UPRT: variants seen among roughly 807,000 people sequenced by gnomAD.
UPRT encodes uracil phosphoribosyltransferase homolog.
Under a neutral mutation model 22.6 loss-of-function variants are expected in UPRT, and 5 were observed. The observed-to-expected ratio is 0.22, with a 90% confidence interval of 0.12 to 0.47. The LOEUF (loss-of-function observed/expected upper bound fraction) is 0.47, where lower values mean the gene tolerates loss of function less well. Ranked by LOEUF, UPRT falls within the 20% of genes least tolerant of loss-of-function variation. UPRT has a pLI of 0.99. For missense variants in UPRT, 181 were observed against 239.9 expected (o/e 0.75, Z 1.62); for synonymous variants, 77 against 87.7 (o/e 0.88, Z 0.68).
chrX:75,218,192 A>G (rs1448035766), intron 4 of UPRT, among the ~76,000 whole-genome samples: 1 of 110,562 alleles, frequency 9.0e-6, no homozygotes, highest in South Asian at 3.8e-4. Flanking sequence ...AATTTACAAG[A>G]AAAAAACAAA....
intron 4 of UPRT, among the ~76,000 whole-genome samples, chrX:75,241,547 A>G (rs1412350113): frequency 8.9e-6 from 1 of 111,974 alleles, no homozygotes; most frequent in African/African-American, 3.2e-5. Flanking sequence ...TAGATCTCCC[A>G]TTTGATCCAG....
chrX:75,264,580 A>G (rs1365966276), intron 4 of UPRT, among the ~76,000 whole-genome samples: 1 of 111,517 alleles, frequency 9.0e-6, no homozygotes, highest in Non-Finnish European at 1.9e-5. Context: ...TGCTTGGTAG[A>G]ACTTCCTCCA....
intron 4 of UPRT, among the ~76,000 whole-genome samples, chrX:75,185,602 G>A (rs1442103307): frequency 8.9e-6 from 1 of 112,103 alleles, no homozygotes; most frequent in Non-Finnish European, 1.9e-5. Context: ...AATGGTACCA[G>A]TTCCTCCTTG....
At chrX:75,229,557 A>G (rs2082432180) in intron 4 of UPRT, among the ~76,000 whole-genome samples, 1 of 112,001 alleles carries the variant, frequency 8.9e-6, no homozygotes, top group Non-Finnish European at 1.9e-5. Flanking sequence ...AAAGTGTGAG[A>G]GGGGAAAAAG....
At chrX:75,256,345 C>A (rs1016008844) in intron 4 of UPRT, among the ~76,000 whole-genome samples, 2 of 111,533 alleles carry the variant, frequency 1.8e-5, no homozygotes, top group African/African-American at 6.5e-5. Context: ...ATATCAAATC[C>A]TCTAGGTACA....
In UPRT at chrX:75,303,973, C is replaced by A. The variant is rs2082753648; in HGVS notation, c.*462C>A. 1 of 113,608 alleles carries A rather than the reference C, an allele frequency of 8.8e-6. No individual in the cohort carries two copies. Among genetic ancestry groups the A allele is most frequent in the Non-Finnish European group, 1.8e-5 (1 of 54,455 alleles). The allele number at this position is 113,608 out of a possible 1,213,427, so 9.4% of individuals were successfully genotyped here. ...TTTCTGATACTGGACATGCTAGTAA[C>A]TTGGAGAGGAGAATAAAAGAATGTC... On this transcript the variant is annotated 3_prime_UTR_variant, in exon 7 of 7. Transcript: ENST00000373383.
intron 4 of UPRT, among the ~76,000 whole-genome samples, chrX:75,259,216 C>T (rs1459597330): frequency 9.0e-6 from 1 of 110,696 alleles, no homozygotes; most frequent in African/African-American, 3.3e-5. Context: ...GCCTCTACTC[C>T]TCCAAAATAT....
Position 75,165,435 on chromosome X carries a change from T to C in UPRT, c.-521+2210T>C, listed in dbSNP as rs995255304. ...TGGGGTCTATGTATAACAAGGAATG[T>C]TTAAAGCGAAGGTCAAGGAAAGGAT... On this transcript the variant is annotated intron_variant, in intron 3 of 13. Transcript: ENST00000652605. 3.6e-5 allele frequency among the ~76,000 whole-genome samples: 4 copies of C among 111,839 alleles called. No individual in the cohort carries two copies. In the Admixed American group the frequency reaches 3.8e-4, roughly 11 times the overall value.
intron 4 of UPRT, among the ~76,000 whole-genome samples, chrX:75,217,479 C>A (rs1023219206): frequency 8.1e-5 from 9 of 111,296 alleles, no homozygotes; most frequent in Admixed American, 1.9e-4. Context: ...CTTTTATTTC[C>A]TTGAGCAGTG....
chrX:75,269,373 A>G (rs753218403), upstream of UPRT, among the ~76,000 whole-genome samples: 3 of 111,889 alleles, frequency 2.7e-5, no homozygotes, highest in Non-Finnish European at 3.8e-5. Context: ...TCAAGCTACC[A>G]CTGACTTTCT....
At chrX:75,196,819 C>A (rs1017059239) in intron 4 of UPRT, among the ~76,000 whole-genome samples, 2 of 111,073 alleles carry the variant, frequency 1.8e-5, no homozygotes, top group South Asian at 7.7e-4. Context: ...TGCACTCCAG[C>A]CTGGGTGACA....
intron 1 of UPRT, among the ~76,000 whole-genome samples, chrX:75,287,863 A>G (rs1232645174): frequency 9.0e-6 from 1 of 111,724 alleles, no homozygotes; most frequent in Non-Finnish European, 1.9e-5. Flanking sequence ...AAAAATTCAT[A>G]CAGAGGATCA....
chrX:75,185,807 G>A (rs767978325), intron 4 of UPRT, among the ~76,000 whole-genome samples: 31 of 111,543 alleles, frequency 2.8e-4, no homozygotes, highest in African/African-American at 3.9e-4. Flanking sequence ...GTTTATTTGC[G>A]TAGCGGTGTT....
chrX:75,247,117 G>A (rs189064343), intron 4 of UPRT, among the ~76,000 whole-genome samples: 83 of 111,054 alleles, frequency 7.5e-4, no homozygotes, highest in Middle Eastern at 4.6e-3. Flanking sequence ...GAATGGCTGG[G>A]TGGCTTAAGA....
chrX:75,256,224 T>C (rs999749768), intron 4 of UPRT, among the ~76,000 whole-genome samples: 1 of 111,773 alleles, frequency 8.9e-6, no homozygotes, highest in African/African-American at 3.2e-5. Context: ...TTCAAAACTA[T>C]GCAAATACAT....
At chrX:75,245,278 A>G (rs1360265411) in intron 4 of UPRT, among the ~76,000 whole-genome samples, 5 of 109,228 alleles carry the variant, frequency 4.6e-5, no homozygotes, top group Admixed American at 3.9e-4. Context: ...AAAAAAAAAA[A>G]AAAAGAAAAG....
intron 4 of UPRT, among the ~76,000 whole-genome samples, chrX:75,196,931 T>C (rs1418770481): frequency 8.9e-6 from 1 of 111,866 alleles, no homozygotes; most frequent in Non-Finnish European, 1.9e-5. Context: ...GCTTTTGCAA[T>C]GAGAGAATTT....
upstream of UPRT, among the ~76,000 whole-genome samples, chrX:75,269,782 G>T (rs773335666): frequency 2.7e-5 from 3 of 111,499 alleles, no homozygotes; most frequent in African/African-American, 6.5e-5. Flanking sequence ...TTAAACACAA[G>T]ACCTAAAATC....
chrX:75,239,666 A>G (rs1180269130), intron 4 of UPRT, among the ~76,000 whole-genome samples: 5 of 111,447 alleles, frequency 4.5e-5, no homozygotes, highest in African/African-American at 1.6e-4. Flanking sequence ...ACTACAGACC[A>G]ATATCCTGAT....
Sources: gnomAD v4.1 joint callset for allele counts (sites outside exome capture counted in the v4.1 genomes callset) on GRCh38, gnomAD v4.1.1 for gene constraint, MANE v1.5 for transcripts, NCBI Gene and HGNC (gene_info 2026-07-23, HGNC 2026-07-21) for gene names.